ZBTB20: variants seen among roughly 807,000 people sequenced by gnomAD.
The protein encoded by ZBTB20 is zinc finger and BTB domain containing 20.
A neutral mutation model predicts 56.9 loss-of-function variants in ZBTB20; 9 were observed. The observed-to-expected ratio is 0.16, with a 90% confidence interval of 0.10 to 0.28. The LOEUF (loss-of-function observed/expected upper bound fraction) is 0.28, where lower values mean the gene tolerates loss of function less well. Among genes scored for constraint, ZBTB20 ranks in the 10% least tolerant of loss-of-function variants. The pLI, the probability that ZBTB20 is intolerant of heterozygous loss-of-function variation, is 1.00. For synonymous variants in ZBTB20, 417 were observed against 420.7 expected, an observed-to-expected ratio of 0.99 and a Z score of 0.11; for missense variants, 655 against 1,003.0, an observed-to-expected ratio of 0.65 and a Z score of 4.69.
intron 3 of ZBTB20, chr3:114,931,245 C>A: frequency 5.3e-6 from 1 of 187,958 alleles, no homozygotes; most frequent in South Asian, 1.2e-4. Flanking sequence ...AACCTCATCG[C>A]CAAAGCCAGC....
intron 5 of ZBTB20, among the ~76,000 whole-genome samples, chr3:114,744,565 G>C (rs753645822): frequency 6.6e-6 from 1 of 152,112 alleles, no homozygotes; most frequent in Non-Finnish European, 1.5e-5. Flanking sequence ...AACAAAGAGC[G>C]AGGGAATGGG....
At position 114,440,597 on chromosome 3, in the gene ZBTB20, C is replaced by A. The variant is rs75686354; in HGVS notation, c.-254-51492G>T. Among the ~76,000 whole-genome samples, 391 of 152,192 alleles carry A rather than the reference C, an allele frequency of 2.6e-3. 2 individuals are homozygous for A. Among genetic ancestry groups the A allele is most frequent in the African/African-American group, 9.2e-3 (381 of 41,512 alleles). On this transcript the variant is annotated intron_variant, in intron 7 of 11. Coordinates refer to ENST00000675478, the MANE Select transcript of ZBTB20 (RefSeq NM_001348800.3). ...CTTCATGGGCTTTGATGGGTTTCAG[C>A]TTCTAAAGAGAGCATAGGGGAGAAA... is the stretch of plus-strand genomic sequence containing the variant.
At chr3:114,660,082 T>G (rs2060636401) in intron 6 of ZBTB20, among the ~76,000 whole-genome samples, 1 of 152,120 alleles carries the variant, frequency 6.6e-6, no homozygotes, top group Admixed American at 6.5e-5. Context: ...TAAAAATGTA[T>G]TTTCCATTGA....
chr3:114,621,573 T>A (rs2058321871), intron 6 of ZBTB20, among the ~76,000 whole-genome samples: 1 of 152,166 alleles, frequency 6.6e-6, no homozygotes, highest in South Asian at 2.1e-4. Flanking sequence ...AAAGAACAAT[T>A]TCTTATTGGG....
chr3:115,034,911 C>T (rs1305661133), intron 2 of ZBTB20, among the ~76,000 whole-genome samples: 1 of 151,952 alleles, frequency 6.6e-6, no homozygotes, highest in African/African-American at 2.4e-5. Context: ...TAAACCCTCA[C>T]CAGTGTGGTT....
intron 6 of ZBTB20, among the ~76,000 whole-genome samples, chr3:114,640,549 C>T (rs967246386): frequency 6.6e-6 from 1 of 152,088 alleles, no homozygotes; most frequent in African/African-American, 2.4e-5. Flanking sequence ...GCCTCTCAGT[C>T]TACTCAGGAG....
chr3:114,424,175 A>G (rs1349760110), intron 7 of ZBTB20, among the ~76,000 whole-genome samples: 1 of 152,222 alleles, frequency 6.6e-6, no homozygotes, highest in East Asian at 1.9e-4. Flanking sequence ...ATCTTTTGAA[A>G]CAATGTATTA....
chr3:114,721,828 AT>A (rs547587703), intron 5 of ZBTB20, among the ~76,000 whole-genome samples: 1 of 152,106 alleles, frequency 6.6e-6, no homozygotes, highest in Non-Finnish European at 1.5e-5. Flanking sequence ...CAATTCTGAG[AT>A]TTTTGGGTTA....
At chr3:114,540,933 A>C (rs2049037693) in intron 6 of ZBTB20, among the ~76,000 whole-genome samples, 1 of 152,100 alleles carries the variant, frequency 6.6e-6, no homozygotes, top group Non-Finnish European at 1.5e-5. Context: ...AAGCTAAAAA[A>C]ACAATGCTAC....
intron 6 of ZBTB20, among the ~76,000 whole-genome samples, chr3:114,604,481 T>C (rs1462724697): frequency 6.6e-6 from 1 of 151,896 alleles, no homozygotes; most frequent in Non-Finnish European, 1.5e-5. Context: ...TGGAAATATA[T>C]AGCCTGCCTC....
chr3:114,592,898 T>C (rs1057278956), intron 6 of ZBTB20, among the ~76,000 whole-genome samples: 3 of 152,206 alleles, frequency 2.0e-5, no homozygotes, highest in African/African-American at 7.2e-5. Context: ...ACTCTTAGTA[T>C]ATAATTTGAA....
At chr3:115,123,810 A>G (rs958905424) in intron 1 of ZBTB20, among the ~76,000 whole-genome samples, 9 of 152,206 alleles carry the variant, frequency 5.9e-5, no homozygotes, top group Non-Finnish European at 1.0e-4. Context: ...TCTCCTGAAT[A>G]AAAATACGTG....
intron 4 of ZBTB20, among the ~76,000 whole-genome samples, chr3:114,853,847 T>C (rs1215577787): frequency 6.6e-6 from 1 of 152,228 alleles, no homozygotes; most frequent in Non-Finnish European, 1.5e-5. Context: ...AAGTTATGTG[T>C]GAGTTGCTTT....
intron 6 of ZBTB20, among the ~76,000 whole-genome samples, chr3:114,521,556 T>C (rs879825808): frequency 2.0e-5 from 3 of 152,176 alleles, no homozygotes; most frequent in East Asian, 3.8e-4. Context: ...CTCATCCCCA[T>C]TGCACCACAT....
intron 3 of ZBTB20, among the ~76,000 whole-genome samples, chr3:114,948,381 C>T (rs1212875317): frequency 6.8e-6 from 1 of 146,012 alleles, no homozygotes; most frequent in East Asian, 1.9e-4. Context: ...AAATGTTATA[C>T]TAGTGGTCCT....
chr3:114,789,235 G>A (rs956785454), intron 5 of ZBTB20, among the ~76,000 whole-genome samples: 6 of 152,182 alleles, frequency 3.9e-5, no homozygotes, highest in Non-Finnish European at 7.3e-5. Context: ...GCATATCTGT[G>A]TGATGATACA....
intron 6 of ZBTB20, among the ~76,000 whole-genome samples, chr3:114,516,381 T>C (rs1279506122): frequency 6.6e-6 from 1 of 152,194 alleles, no homozygotes; most frequent in African/African-American, 2.4e-5. Flanking sequence ...AACATATATG[T>C]CTTGGTATAA....
At chr3:114,502,369 C>A (rs2044092706) in intron 6 of ZBTB20, among the ~76,000 whole-genome samples, 1 of 152,176 alleles carries the variant, frequency 6.6e-6, no homozygotes, top group Non-Finnish European at 1.5e-5. Flanking sequence ...GTAGAGATTT[C>A]TTCAAAGAAA....
chr3:114,959,671 T>C lies in ZBTB20; in HGVS notation c.-456+14695A>G, dbSNP rs534870411. 6.0e-5 allele frequency among the ~76,000 whole-genome samples: 9 copies of C among 151,214 alleles called. No homozygotes were observed. The South Asian group carries it at 1.9e-3, about 32-fold the overall frequency. On this transcript the variant is annotated intron_variant, in intron 3 of 11. Transcript: ENST00000675478. ...GTTGTTCTAGGTCAAAAACAAAAGA[T>C]ATATATGTACACACACACCACACAC...
Sources: gnomAD v4.1 joint callset for allele counts (sites outside exome capture counted in the v4.1 genomes callset) on GRCh38, gnomAD v4.1.1 for gene constraint, MANE v1.5 for transcripts, NCBI Gene and HGNC (gene_info 2026-07-23, HGNC 2026-07-21) for gene names.